LRRC4C: variants seen among roughly 807,000 people sequenced by gnomAD.
LRRC4C encodes leucine-rich repeat-containing protein 4C.
Under a neutral mutation model 33.6 loss-of-function variants are expected in LRRC4C, and 5 were observed. That is an observed-to-expected ratio of 0.15 (90% CI 0.08 to 0.31). The LOEUF is 0.31. Among genes scored for constraint, LRRC4C ranks in the 10% least tolerant of loss-of-function variants. LRRC4C has a pLI of 1.00. For synonymous variants in LRRC4C, 329 were observed against 302.0 expected, an observed-to-expected ratio of 1.09 and a Z score of -0.93; for missense variants, 560 against 796.7, an observed-to-expected ratio of 0.70 and a Z score of 3.58.
chr11:41,412,889 C>G (rs1241106588), intron 1 of LRRC4C, among the ~76,000 whole-genome samples: 1 of 152,112 alleles, frequency 6.6e-6, no homozygotes, highest in Non-Finnish European at 1.5e-5. Flanking sequence ...CACAATCTGC[C>G]CCTAACAGCC....
intron 1 of LRRC4C, among the ~76,000 whole-genome samples, chr11:41,256,507 T>G (rs1948805166): frequency 6.6e-6 from 1 of 151,832 alleles, no homozygotes; most frequent in South Asian, 2.1e-4. Flanking sequence ...TTGTACTGAG[T>G]TAGAAATCCA....
chr11:41,114,180 C>T (rs1435128806), intron 1 of LRRC4C, among the ~76,000 whole-genome samples: 2 of 152,102 alleles, frequency 1.3e-5, no homozygotes, highest in African/African-American at 4.8e-5. Flanking sequence ...TACATTGTGA[C>T]AGCACTGGAA....
chr11:41,062,191 C>A (rs901050827), intron 1 of LRRC4C, among the ~76,000 whole-genome samples: 3 of 152,162 alleles, frequency 2.0e-5, no homozygotes, highest in Non-Finnish European at 2.9e-5. Context: ...TATTTCATCA[C>A]CCAGGTATTA....
At chr11:41,330,719 A>C (rs759389074) in intron 1 of LRRC4C, among the ~76,000 whole-genome samples, 25 of 152,106 alleles carry the variant, frequency 1.6e-4, no homozygotes, top group Non-Finnish European at 3.4e-4. Context: ...CTGGAACTAC[A>C]GTGTAGTTTT....
At chr11:41,224,392 G>T (rs1199690533) in intron 1 of LRRC4C, among the ~76,000 whole-genome samples, 1 of 152,138 alleles carries the variant, frequency 6.6e-6, no homozygotes, top group Admixed American at 6.6e-5. Context: ...CAATTTATTA[G>T]CTCTGTAACT....
chr11:40,803,074 G>A (rs1951103596), intron 2 of LRRC4C, among the ~76,000 whole-genome samples: 1 of 152,120 alleles, frequency 6.6e-6, no homozygotes, highest in Non-Finnish European at 1.5e-5. Context: ...AAAGGAAGAT[G>A]GATTTCAACC....
chr11:40,533,693 C>T (rs375653316), intron 3 of LRRC4C, among the ~76,000 whole-genome samples: 33 of 152,202 alleles, frequency 2.2e-4, no homozygotes, highest in African/African-American at 6.5e-4. Context: ...GCTATCTCAA[C>T]GTCAATCACA....
At chr11:40,636,586 C>T (rs774565967) in intron 3 of LRRC4C, among the ~76,000 whole-genome samples, 3 of 152,050 alleles carry the variant, frequency 2.0e-5, no homozygotes, top group Non-Finnish European at 4.4e-5. Context: ...ATAAATATCC[C>T]AAATGCCTCC....
Position 40,384,484 on chromosome 11 carries a change from A to G in LRRC4C, c.-269-64763T>C, listed in dbSNP as rs149960905. Among the ~76,000 whole-genome samples the G allele has an allele frequency of 1.0e-3, 155 of 152,262 alleles. 1 individual carries two copies. Among genetic ancestry groups the G allele is most frequent in the African/African-American group, 3.6e-3 (150 of 41,552 alleles). On this transcript the variant is annotated intron_variant, in intron 3 of 6. Coordinates refer to ENST00000528697, the MANE Select transcript of LRRC4C (RefSeq NM_001258419.2). ...GAATAAATGAGTTTAGACAGATTAT[A>G]TAGTTTTTGCAAGTCATGTACCTAA...
At chr11:40,339,806 CTT>C (rs1394766764) in intron 3 of LRRC4C, among the ~76,000 whole-genome samples, 1 of 152,088 alleles carries the variant, frequency 6.6e-6, no homozygotes, top group Non-Finnish European at 1.5e-5. Flanking sequence ...ATATTAATTT[CTT>C]CTCTCCTTTA....
In LRRC4C at chr11:41,439,358, T is replaced by C. The variant is rs910808002; in HGVS notation, c.-496+20073A>G. Among the ~76,000 whole-genome samples, 62 of 152,192 alleles carry C rather than the reference T, an allele frequency of 4.1e-4. 1 individual carries two copies. The highest frequency in any genetic ancestry group is 1.6e-4 in the Non-Finnish European group (11 of 68,024). ...TATACATACAATTGCAGATATCTTA[T>C]ATAAGGATTTGTTTTCCTTTGGGTA... On this transcript the variant is annotated intron_variant, in intron 1 of 6. Coordinates refer to ENST00000528697, the MANE Select transcript of LRRC4C (RefSeq NM_001258419.2).
chr11:40,548,948 C>G (rs7107769), intron 3 of LRRC4C, among the ~76,000 whole-genome samples: 51,802 of 151,882 alleles, frequency 0.34, 10,613 homozygotes, highest in East Asian at 0.65. Context: ...TTTCTGGAAC[C>G]AACTTCTGAC....
chr11:40,162,832 CAAT>C (rs1859269103), intron 5 of LRRC4C, among the ~76,000 whole-genome samples: 1 of 152,172 alleles, frequency 6.6e-6, no homozygotes, highest in Admixed American at 6.6e-5. Context: ...CCAAATACAA[CAAT>C]GAGGCACTTT....
chr11:40,176,923 C>A (rs1860541628), intron 5 of LRRC4C, among the ~76,000 whole-genome samples: 1 of 144,888 alleles, frequency 6.9e-6, no homozygotes, highest in Non-Finnish European at 1.5e-5. Flanking sequence ...TTTTGTTCTG[C>A]CAGAGTCTTT....
intron 2 of LRRC4C, among the ~76,000 whole-genome samples, chr11:40,731,133 C>G (rs192092664): frequency 1.3e-5 from 2 of 152,090 alleles, no homozygotes; most frequent in Non-Finnish European, 2.9e-5. Flanking sequence ...TCCTGGCTAA[C>G]ATGGTGAAAC....
intron 2 of LRRC4C, among the ~76,000 whole-genome samples, chr11:40,875,217 T>C (rs928685377): frequency 1.3e-5 from 2 of 152,196 alleles, no homozygotes; most frequent in Admixed American, 1.3e-4. Flanking sequence ...ATGTTTCTAC[T>C]CCTACTAATC....
At chr11:40,902,039 CA>C in intron 2 of LRRC4C, among the ~76,000 whole-genome samples, 2 of 132,762 alleles carry the variant, frequency 1.5e-5, no homozygotes, top group African/African-American at 3.3e-5. Flanking sequence ...CACACACACA[CA>C]CACACACCTC....
intron 3 of LRRC4C, among the ~76,000 whole-genome samples, chr11:40,552,880 C>G (rs545481280): frequency 6.6e-6 from 1 of 152,228 alleles, no homozygotes; most frequent in Admixed American, 6.5e-5. Context: ...AACAAAGCTT[C>G]TGAGATGTAA....
intron 1 of LRRC4C, among the ~76,000 whole-genome samples, chr11:41,310,764 T>A (rs989064679): frequency 1.3e-5 from 2 of 152,162 alleles, no homozygotes; most frequent in Non-Finnish European, 2.9e-5. Flanking sequence ...AAAACCAACA[T>A]TGTGTTTATG....
Sources: allele counts gnomAD v4.1 joint callset (sites outside exome capture counted in the v4.1 genomes callset), GRCh38; gene constraint gnomAD v4.1.1; transcripts MANE v1.5; gene names NCBI Gene and HGNC (gene_info 2026-07-23, HGNC 2026-07-21).